Variants in UBASH3B observed in about 807,000 individuals in gnomAD.
The protein encoded by UBASH3B is ubiquitin-associated and SH3 domain-containing protein B.
Under a neutral mutation model 83.4 loss-of-function variants are expected in UBASH3B, and 37 were observed. The observed-to-expected ratio is 0.44, with a 90% CI of 0.34 to 0.58. UBASH3B has a LOEUF of 0.58. Ranked by LOEUF, UBASH3B falls within the 20% of genes least tolerant of loss-of-function variation. UBASH3B has a pLI of 0.01. For synonymous variants in UBASH3B, 304 were observed against 318.3 expected (o/e 0.96, Z 0.48); for missense variants, 657 against 827.2 (o/e 0.79, Z 2.52).
In UBASH3B at chr11:122,655,743, A is replaced by G; in HGVS notation, c.-307A>G. The G allele has an allele frequency of 3.1e-6, 1 of 324,810 alleles. No individual in the cohort carries two copies. Among genetic ancestry groups the G allele is most frequent in the East Asian group, 5.1e-5 (1 of 19,456 alleles). The allele number at this position is 324,810 out of a possible 1,614,324, so 20.1% of individuals were successfully genotyped here. A position where few individuals can be genotyped will look rare whatever the true frequency, so the allele number is the denominator to read the frequency against. On this transcript the variant is annotated 5_prime_UTR_variant, in exon 1 of 14. Coordinates refer to ENST00000284273, the MANE Select transcript of UBASH3B (RefSeq NM_032873.5). ...ACTCATTGCAAATTCCCGGACTGCTAGGCGAGGAGAGGGAAGGGGGCGGAG... is the reference window on the plus strand; with the variant it reads ...ACTCATTGCAAATTCCCGGACTGCTGGGCGAGGAGAGGGAAGGGGGCGGAG...
At chr11:122,805,747 C>A (rs1861330573) in intron 11 of UBASH3B, among the ~76,000 whole-genome samples, 1 of 152,114 alleles carries the variant, frequency 6.6e-6, no homozygotes, top group African/African-American at 2.4e-5. Context: ...ACAGCCAGGC[C>A]CCCAGGCCGG....
intron 1 of UBASH3B, among the ~76,000 whole-genome samples, chr11:122,721,249 A>G: frequency 6.7e-6 from 1 of 149,982 alleles, no homozygotes; most frequent in Non-Finnish European, 1.5e-5. Flanking sequence ...TGTCTCAAAA[A>G]AAAAAAAAAA....
At position 122,655,992 on chromosome 11, in the gene UBASH3B, C is replaced by T. The variant is rs1468393609; in HGVS notation, c.-58C>T. On this transcript the variant is annotated 5_prime_UTR_variant, in exon 1 of 14. Coordinates refer to ENST00000284273, the MANE Select transcript of UBASH3B (RefSeq NM_032873.5). The stretch of plus-strand genomic sequence containing the variant: ...TCCCCTGGCCCAGCCCGACTCCCTC[C>T]TCCTTCCCGAACCATCCGGCTCGGG... The T allele has an allele frequency of 4.2e-6, 6 of 1,433,322 alleles. No individual in the cohort carries two copies. In the Admixed American group the frequency reaches 9.9e-5, roughly 24 times the overall value. The allele number at this position is 1,433,322 out of a possible 1,614,324, so 88.8% of individuals were successfully genotyped here.
chr11:122,765,028 T>C (rs1860507965), intron 1 of UBASH3B, among the ~76,000 whole-genome samples: 1 of 151,318 alleles, frequency 6.6e-6, no homozygotes, highest in Middle Eastern at 3.2e-3. Context: ...AAAAAAAATG[T>C]AGGGGGAAGC....
rs1252673885 is a variant in UBASH3B, at chr11:122,802,846, G to A, written c.1595+1514G>A. On this transcript the variant is annotated intron_variant, in intron 11 of 13. Coordinates refer to ENST00000284273, the MANE Select transcript of UBASH3B (RefSeq NM_032873.5). Reference sequence around the variant, plus strand: ...CCCATGCAGCAGCCAGCATCCCTTTGGCCTGGAAAGAGGAGGAGTTGCCAC... The same window carrying A: ...CCCATGCAGCAGCCAGCATCCCTTTAGCCTGGAAAGAGGAGGAGTTGCCAC... 2.0e-5 allele frequency among the ~76,000 whole-genome samples: 3 copies of A among 152,108 alleles called. No homozygotes were observed. The East Asian group carries it at 5.8e-4, about 29-fold the overall frequency.
chr11:122,809,711 T>C (rs1244052091), intron 13 of UBASH3B, 38 bp from the exon 14 acceptor site: 1 of 1,611,236 alleles, frequency 6.2e-7, no homozygotes, highest in Non-Finnish European at 8.5e-7. Context: ...ATTAAACCTA[T>C]CTCCTAATAT....
intron 1 of UBASH3B, among the ~76,000 whole-genome samples, chr11:122,762,301 T>C (rs548373266): frequency 3.9e-5 from 6 of 152,164 alleles, no homozygotes; most frequent in Non-Finnish European, 8.8e-5. Flanking sequence ...TCCAGAGATA[T>C]TCAGGTGGGC....
intron 1 of UBASH3B, among the ~76,000 whole-genome samples, chr11:122,695,987 T>C (rs1389150649): frequency 1.3e-5 from 2 of 152,226 alleles, no homozygotes; most frequent in African/African-American, 2.4e-5. Flanking sequence ...TCTCATTCTG[T>C]TGCCCAGGCT....
intron 1 of UBASH3B, among the ~76,000 whole-genome samples, chr11:122,714,951 C>CTTG (rs958705410): frequency 9.2e-5 from 14 of 152,004 alleles, no homozygotes; most frequent in African/African-American, 3.4e-4. Context: ...TGTTGTTGTT[C>CTTG]TTGTTGTTTT....
chr11:122,689,344 A>C (rs760259818), intron 1 of UBASH3B, among the ~76,000 whole-genome samples: 2 of 152,120 alleles, frequency 1.3e-5, no homozygotes, highest in Admixed American at 6.5e-5. Flanking sequence ...TAGTACATGA[A>C]TATACTATTT....
intron 1 of UBASH3B, among the ~76,000 whole-genome samples, chr11:122,766,552 A>T (rs960067453): frequency 6.6e-6 from 1 of 151,830 alleles, no homozygotes; most frequent in Non-Finnish European, 1.5e-5. Context: ...CCGTCTCAAA[A>T]AATAATAATA....
intron 1 of UBASH3B, among the ~76,000 whole-genome samples, chr11:122,714,640 C>T (rs989145887): frequency 3.9e-5 from 6 of 152,186 alleles, no homozygotes; most frequent in Admixed American, 6.5e-5. Context: ...CAACTTGTGA[C>T]CCTCAGTTTC....
chr11:122,692,872 C>T (rs566030111), intron 1 of UBASH3B, among the ~76,000 whole-genome samples: 1 of 152,242 alleles, frequency 6.6e-6, no homozygotes, highest in African/African-American at 2.4e-5. Context: ...GATAAGTGTC[C>T]GAGTGAAGAG....
At chr11:122,804,602 A>C (rs1046659445) in intron 11 of UBASH3B, among the ~76,000 whole-genome samples, 1 of 152,150 alleles carries the variant, frequency 6.6e-6, no homozygotes, top group Non-Finnish European at 1.5e-5. Flanking sequence ...TCATCCATAA[A>C]CAGCATTTAT....
chr11:122,658,399 T>G (rs1195628271), intron 1 of UBASH3B, among the ~76,000 whole-genome samples: 1 of 152,202 alleles, frequency 6.6e-6, no homozygotes, highest in Admixed American at 6.5e-5. Context: ...CTGCTCTGAG[T>G]CCAGGAGGTC....
chr11:122,672,974 A>G (rs1165959335), intron 1 of UBASH3B, among the ~76,000 whole-genome samples: 1 of 152,184 alleles, frequency 6.6e-6, no homozygotes, highest in Non-Finnish European at 1.5e-5. Context: ...TGGATTATCC[A>G]TACCCCAGGG....
At chr11:122,700,497 C>T (rs375073154) in intron 1 of UBASH3B, among the ~76,000 whole-genome samples, 44 of 118,764 alleles carry the variant, frequency 3.7e-4, no homozygotes, top group Admixed American at 1.9e-3. Flanking sequence ...TACTTCTGAT[C>T]TTTTTTTTTT....
At chr11:122,775,284 G>A (rs1860713292) in intron 1 of UBASH3B, among the ~76,000 whole-genome samples, 1 of 152,230 alleles carries the variant, frequency 6.6e-6, no homozygotes. Flanking sequence ...TTTAAGAAGA[G>A]CTCCACTTGT....
chr11:122,701,658 G>A (rs924982199), intron 1 of UBASH3B, among the ~76,000 whole-genome samples: 6 of 152,056 alleles, frequency 3.9e-5, no homozygotes, highest in Non-Finnish European at 7.4e-5. Context: ...CTGCTTGAAG[G>A]AACTAAGAGT....
Sources: gnomAD v4.1 joint callset for allele counts (sites outside exome capture counted in the v4.1 genomes callset) on GRCh38, gnomAD v4.1.1 for gene constraint, MANE v1.5 for transcripts, NCBI Gene and HGNC (gene_info 2026-07-23, HGNC 2026-07-21) for gene names.